The following GRM5 variants were observed in gnomAD, a reference collection of about 807,000 sequenced individuals.
GRM5 encodes the protein metabotropic glutamate receptor 5.
A neutral mutation model predicts 83.1 loss-of-function variants in GRM5; 19 were observed. That is an observed-to-expected ratio of 0.23 (90% CI 0.16 to 0.34). GRM5 has a LOEUF of 0.34. GRM5 is among the 10% of genes least tolerant of loss of function. The probability of loss-of-function intolerance (pLI) is 1.00; values close to 1 mark genes in which losing one functional copy is unlikely to be tolerated. For missense variants in GRM5, 1,160 were observed against 1,588.3 expected, an observed-to-expected ratio of 0.73 and a Z score of 4.58; for synonymous variants, 675 against 633.6, an observed-to-expected ratio of 1.07 and a Z score of -0.98.
At chr11:88,845,260 G>T (rs1433989570) in intron 3 of GRM5, among the ~76,000 whole-genome samples, 2 of 150,848 alleles carry the variant, frequency 1.3e-5, no homozygotes, top group Non-Finnish European at 2.9e-5. Flanking sequence ...CATCAACATT[G>T]AGGCAAGACC....
chr11:89,043,768 T>G (rs1322425562), intron 2 of GRM5, among the ~76,000 whole-genome samples: 1 of 152,152 alleles, frequency 6.6e-6, no homozygotes, highest in Non-Finnish European at 1.5e-5. Context: ...TGCAATTAGC[T>G]GTGGGTTGGA....
chr11:88,705,049 T>C (rs775928072), intron 3 of GRM5, among the ~76,000 whole-genome samples: 1 of 152,016 alleles, frequency 6.6e-6, no homozygotes, highest in African/African-American at 2.4e-5. Flanking sequence ...GTTCAAGAGG[T>C]TCTAATCTTG....
intron 2 of GRM5, among the ~76,000 whole-genome samples, chr11:89,022,576 T>C (rs1418768046): frequency 2.0e-5 from 3 of 151,704 alleles, no homozygotes; most frequent in African/African-American, 4.8e-5. Context: ...TGCTTAAACC[T>C]GGGAGGCGGG....
intron 2 of GRM5, among the ~76,000 whole-genome samples, chr11:88,857,428 A>G (rs2135547741): frequency 6.6e-6 from 1 of 152,216 alleles, no homozygotes; most frequent in South Asian, 2.1e-4. Context: ...TCCAGTCTCC[A>G]CTTCGTGTCC....
In GRM5 at chr11:88,774,241, TG is replaced by T. The variant is rs1245154636; in HGVS notation, c.911+75664del. ...TGTGAATGGGAGTTCACACATGATT[TG>T]GCTCTCTGTTTGTCTTCATGGTGTA... On this transcript the variant is annotated intron_variant, in intron 3 of 9. Transcript: ENST00000305447. 6.9e-4 allele frequency among the ~76,000 whole-genome samples: 104 copies of T among 151,292 alleles called. 2 individuals carry two copies. The East Asian group carries it at 0.019, about 27-fold the overall frequency.
At chr11:88,857,614 C>T (rs1387718512) in intron 2 of GRM5, among the ~76,000 whole-genome samples, 1 of 151,992 alleles carries the variant, frequency 6.6e-6, no homozygotes, top group African/African-American at 2.4e-5. Context: ...TTGTTTGATG[C>T]CATTTTTCCC....
Position 88,566,918 on chromosome 11 carries a change from A to G in GRM5, c.2630+135T>C, listed in dbSNP as rs559320838. Reference sequence around the variant, plus strand: ...ACCCCATAAATACCATTTTATGAGAAGGTCCATGCCGTAAGTCACCCTGCC... The same window carrying G: ...ACCCCATAAATACCATTTTATGAGAGGGTCCATGCCGTAAGTCACCCTGCC... On this transcript the variant is annotated intron_variant, in intron 8 of 9. Coordinates refer to ENST00000305447, the MANE Select transcript of GRM5 (RefSeq NM_001143831.3). 13 of 608,902 alleles carry G rather than the reference A, an allele frequency of 2.1e-5. No individual in the cohort carries two copies. The East Asian group carries it at 3.0e-4, about 14-fold the overall frequency. 37.7% of individuals were successfully genotyped at this position (608,902 alleles called of 1,614,324 possible). A position where few individuals can be genotyped will look rare whatever the true frequency, so the allele number is the denominator to read the frequency against.
chr11:88,758,159 A>C (rs928087471), intron 3 of GRM5, among the ~76,000 whole-genome samples: 2 of 152,238 alleles, frequency 1.3e-5, no homozygotes, highest in African/African-American at 4.8e-5. Context: ...AAGAACTCTA[A>C]GTCAGAAAGG....
intron 1 of GRM5, among the ~76,000 whole-genome samples, chr11:89,059,835 A>G (rs568936988): frequency 2.6e-4 from 40 of 152,190 alleles, no homozygotes; most frequent in African/African-American, 9.4e-4. Flanking sequence ...GGTTTGTTAC[A>G]TATGTCTATG....
chr11:88,911,007 C>T (rs1390321237), intron 2 of GRM5, among the ~76,000 whole-genome samples: 1 of 151,994 alleles, frequency 6.6e-6, no homozygotes, highest in Non-Finnish European at 1.5e-5. Context: ...TATTGAAATG[C>T]TCTAAAATAA....
intron 4 of GRM5, among the ~76,000 whole-genome samples, chr11:88,630,873 C>T (rs774106551): frequency 1.1e-4 from 17 of 152,226 alleles, no homozygotes; most frequent in Non-Finnish European, 1.9e-4. Context: ...CCACTGTGCC[C>T]AGCCATTTAT....
At chr11:89,039,974 C>T (rs546678896) in intron 2 of GRM5, among the ~76,000 whole-genome samples, 3 of 151,634 alleles carry the variant, frequency 2.0e-5, no homozygotes, top group Admixed American at 2.0e-4. Context: ...CTTTTTCTTT[C>T]TTTTTTTTTA....
At chr11:88,677,375 C>G (rs1940360238) in intron 3 of GRM5, among the ~76,000 whole-genome samples, 1 of 152,072 alleles carries the variant, frequency 6.6e-6, no homozygotes, top group Non-Finnish European at 1.5e-5. Context: ...GTTTAGGTAA[C>G]CTTAGTCAAG....
At chr11:88,654,875 G>T (rs965822987) in intron 3 of GRM5, among the ~76,000 whole-genome samples, 1 of 151,738 alleles carries the variant, frequency 6.6e-6, no homozygotes, top group Non-Finnish European at 1.5e-5. Flanking sequence ...TATACAGAAA[G>T]CATGCACTTT....
chr11:88,802,023 G>A (rs2135487314), intron 3 of GRM5, among the ~76,000 whole-genome samples: 1 of 152,154 alleles, frequency 6.6e-6, no homozygotes, highest in African/African-American at 2.4e-5. Context: ...GTGGGGGAGG[G>A]AAATGTGGAG....
chr11:88,622,189 A>G (rs1938657314), intron 4 of GRM5, among the ~76,000 whole-genome samples: 1 of 152,188 alleles, frequency 6.6e-6, no homozygotes, highest in Admixed American at 6.5e-5. Flanking sequence ...GGAAAGTAGC[A>G]CCACAGGTGC....
chr11:88,822,020 T>C (rs913630521), intron 3 of GRM5, among the ~76,000 whole-genome samples: 1 of 152,194 alleles, frequency 6.6e-6, no homozygotes, highest in African/African-American at 2.4e-5. Context: ...TTTTTATACA[T>C]TATTTTTTGA....
chr11:88,514,911 T>C (rs144272333), intron 9 of GRM5, among the ~76,000 whole-genome samples: 1 of 152,310 alleles, frequency 6.6e-6, no homozygotes, highest in East Asian at 1.9e-4. Context: ...CAGCCCTAAG[T>C]GACGTGGATT....
chr11:89,010,775 C>T (rs966829151), intron 2 of GRM5, among the ~76,000 whole-genome samples: 1 of 150,472 alleles, frequency 6.6e-6, no homozygotes, highest in African/African-American at 2.5e-5. Context: ...GTTATTAGAA[C>T]GTAGGTTTCT....
Sources: gnomAD v4.1 joint callset for allele counts (sites outside exome capture counted in the v4.1 genomes callset) on GRCh38, gnomAD v4.1.1 for gene constraint, MANE v1.5 for transcripts, NCBI Gene and HGNC (gene_info 2026-07-23, HGNC 2026-07-21) for gene names.